GPC5: variants seen among roughly 807,000 people sequenced by gnomAD.
The protein encoded by GPC5 is glypican 5, also known as glypican-5.
Under a neutral mutation model 53.9 loss-of-function variants are expected in GPC5, and 47 were observed. That is an observed-to-expected ratio of 0.87 (90% confidence interval 0.69 to 1.11). GPC5 has a LOEUF of 1.11. Among genes scored for constraint, GPC5 ranks in the 50% most tolerant of loss-of-function variants. The probability of loss-of-function intolerance (pLI) is 0.00; values close to 1 mark genes in which losing one functional copy is unlikely to be tolerated. For missense variants in GPC5, 748 were observed against 713.1 expected (o/e 1.05, Z -0.56); for synonymous variants, 286 against 263.3 (o/e 1.09, Z -0.84).
chr13:92,006,370 C>G (rs2040606789), intron 6 of GPC5, among the ~76,000 whole-genome samples: 1 of 152,140 alleles, frequency 6.6e-6, no homozygotes, highest in Admixed American at 6.5e-5. Context: ...TAAATGAACT[C>G]TAGTTGCCTT....
At chr13:92,660,226 C>T (rs1438135260) in intron 7 of GPC5, among the ~76,000 whole-genome samples, 6 of 151,986 alleles carry the variant, frequency 3.9e-5, no homozygotes, top group South Asian at 2.1e-4. Flanking sequence ...TCTTGAGTCA[C>T]GTATTTCATT....
At chr13:92,646,930 ATGTGTGTGTGTG>A (rs753380099) in intron 7 of GPC5, among the ~76,000 whole-genome samples, 2 of 146,504 alleles carry the variant, frequency 1.4e-5, no homozygotes, top group South Asian at 2.2e-4. Context: ...ATATATAAAC[ATGTGTGTGTGTG>A]TGTGTGTGTG....
intron 2 of GPC5, among the ~76,000 whole-genome samples, chr13:91,537,346 A>G (rs559498788): frequency 4.6e-5 from 7 of 152,282 alleles, no homozygotes; most frequent in Non-Finnish European, 7.4e-5. Flanking sequence ...GGAGTGAAAG[A>G]AAGGACTTAA....
chr13:92,291,094 T>C (rs971170404), intron 7 of GPC5, among the ~76,000 whole-genome samples: 1 of 152,094 alleles, frequency 6.6e-6, no homozygotes, highest in African/African-American at 2.4e-5. Context: ...AGGCAGGGCT[T>C]GGGACCTGCA....
chr13:92,619,527 T>C (rs1884803421), intron 7 of GPC5, among the ~76,000 whole-genome samples: 1 of 152,026 alleles, frequency 6.6e-6, no homozygotes, highest in Admixed American at 6.6e-5. Flanking sequence ...ATGCATTTTC[T>C]AAACACTGAA....
At chr13:92,457,589 G>A (rs1215056823) in intron 7 of GPC5, among the ~76,000 whole-genome samples, 1 of 152,076 alleles carries the variant, frequency 6.6e-6, no homozygotes. Context: ...CTCTATCGAG[G>A]ATAATTATAG....
intron 7 of GPC5, among the ~76,000 whole-genome samples, chr13:92,468,318 A>G (rs1878781347): frequency 6.6e-6 from 1 of 152,160 alleles, no homozygotes; most frequent in African/African-American, 2.4e-5. Flanking sequence ...AAAGCTGTGC[A>G]GGAAGTGAAG....
chr13:91,544,710 T>G (rs772789199), intron 2 of GPC5, among the ~76,000 whole-genome samples: 10 of 152,234 alleles, frequency 6.6e-5, no homozygotes, highest in Non-Finnish European at 1.3e-4. Flanking sequence ...TCCAACACTG[T>G]TCTAGTTATC....
intron 7 of GPC5, among the ~76,000 whole-genome samples, chr13:92,472,669 A>G (rs758283946): frequency 2.6e-5 from 4 of 152,150 alleles, no homozygotes; most frequent in African/African-American, 7.2e-5. Flanking sequence ...GTAGATGAAT[A>G]TCCAGAGTGA....
At chr13:91,770,653 C>T (rs911129553) in intron 5 of GPC5, among the ~76,000 whole-genome samples, 6 of 151,434 alleles carry the variant, frequency 4.0e-5, no homozygotes, top group African/African-American at 1.5e-4. Context: ...TGAAAATTAT[C>T]CCAGTCGCCG....
intron 1 of GPC5, among the ~76,000 whole-genome samples, chr13:91,405,040 C>A (rs555810215): frequency 6.6e-5 from 10 of 152,346 alleles, no homozygotes; most frequent in Non-Finnish European, 1.5e-4. Flanking sequence ...GATTAAATCT[C>A]TGTAGCATAA....
At chr13:92,197,857 C>T (rs766306232) in intron 7 of GPC5, among the ~76,000 whole-genome samples, 1 of 151,916 alleles carries the variant, frequency 6.6e-6, no homozygotes, top group Non-Finnish European at 1.5e-5. Flanking sequence ...CTTACTGCTT[C>T]CCAAACAACT....
chr13:92,326,564 A>G (rs573570761), intron 7 of GPC5, among the ~76,000 whole-genome samples: 8 of 152,234 alleles, frequency 5.3e-5, no homozygotes, highest in East Asian at 3.9e-4. Context: ...TGCAACATCA[A>G]TGGTTTGGAA....
intron 7 of GPC5, among the ~76,000 whole-genome samples, chr13:92,573,861 G>A (rs2139044106): frequency 6.6e-6 from 1 of 152,262 alleles, no homozygotes; most frequent in East Asian, 1.9e-4. Context: ...CTGCCCAGTT[G>A]CAGTCCACCT....
intron 5 of GPC5, among the ~76,000 whole-genome samples, chr13:91,818,433 T>A (rs1375828794): frequency 3.3e-5 from 5 of 152,258 alleles, no homozygotes; most frequent in Non-Finnish European, 7.3e-5. Flanking sequence ...AAAAAGACCC[T>A]ATATTACATA....
intron 7 of GPC5, among the ~76,000 whole-genome samples, chr13:92,491,671 C>G (rs1157710250): frequency 6.6e-6 from 1 of 151,804 alleles, no homozygotes; most frequent in African/African-American, 2.4e-5. Flanking sequence ...CATTTTGCCT[C>G]TGACAAGCAA....
At chr13:92,181,134 G>T (rs2139035639) in intron 7 of GPC5, among the ~76,000 whole-genome samples, 1 of 152,164 alleles carries the variant, frequency 6.6e-6, no homozygotes, top group South Asian at 2.1e-4. Context: ...TAGCCAGCCT[G>T]GTTGTGGGCT....
At chr13:92,303,038 T>C (rs2043085896) in intron 7 of GPC5, among the ~76,000 whole-genome samples, 1 of 152,230 alleles carries the variant, frequency 6.6e-6, no homozygotes, top group Non-Finnish European at 1.5e-5. Flanking sequence ...TCTTCTTCCC[T>C]TGTAACTAAC....
chr13:92,203,838 A>T (rs1168266409), intron 7 of GPC5, among the ~76,000 whole-genome samples: 1 of 151,466 alleles, frequency 6.6e-6, no homozygotes, highest in Non-Finnish European at 1.5e-5. Flanking sequence ...TCAATGGTGA[A>T]TCTCGGTAAA....
Sources: gnomAD v4.1 joint callset for allele counts (sites outside exome capture counted in the v4.1 genomes callset) on GRCh38, gnomAD v4.1.1 for gene constraint, MANE v1.5 for transcripts, NCBI Gene and HGNC (gene_info 2026-07-23, HGNC 2026-07-21) for gene names.